Variants in PCDHGA3 observed in about 807,000 individuals in gnomAD.
PCDHGA3 encodes the protein protocadherin gamma-A3.
In PCDHGA3, 40 loss-of-function variants were observed where a neutral mutation model predicts 58.5. The ratio of observed to expected loss-of-function variants is 0.68; its 90% confidence interval spans 0.53 to 0.89. The LOEUF is 0.89. PCDHGA3 is among the 40% of genes least tolerant of loss of function. The pLI is 0.00. For synonymous variants in PCDHGA3, 530 were observed against 525.7 expected (o/e 1.01, Z -0.11); for missense variants, 1,223 against 1,195.9 (o/e 1.02, Z -0.33).
intron 1 of PCDHGA3, chr5:141,395,094 G>A (rs192995605): frequency 6.2e-7 from 1 of 1,614,160 alleles, no homozygotes; most frequent in African/African-American, 1.3e-5. Flanking sequence ...CTCCCTCACC[G>A]CCGACTCGCG....
At chr5:141,404,107 T>C in intron 1 of PCDHGA3, 1 of 1,613,552 alleles carries the variant, frequency 6.2e-7, no homozygotes, top group Non-Finnish European at 8.5e-7. Flanking sequence ...TTGTCTGTTC[T>C]ATCCAGGAGA....
chr5:141,351,476 C>T (rs189413445), intron 1 of PCDHGA3: 164 of 1,613,814 alleles, frequency 1.0e-4, no homozygotes, highest in Middle Eastern at 9.9e-4. Flanking sequence ...TGCTGGAGCC[C>T]TAAACCGGGA....
At position 141,393,088 on chromosome 5, in the gene PCDHGA3, G is replaced by T. The variant is rs760420305; in HGVS notation, c.2424+46631G>T. ...TTGATCACCGCGGGCAGGATAGATCGGGAGGAGCTCTGCGCTCAGAGCCCG... is the reference window on the plus strand; with the variant it reads ...TTGATCACCGCGGGCAGGATAGATCTGGAGGAGCTCTGCGCTCAGAGCCCG... On this transcript the variant is annotated intron_variant, in intron 1 of 3. Transcript: ENST00000253812. 3.7e-6 allele frequency: 6 copies of T among 1,613,530 alleles called. No homozygotes were observed. In the East Asian group the frequency reaches 1.3e-4, roughly 36 times the overall value.
At position 141,486,002 on chromosome 5, in the gene PCDHGA3, G is replaced by A. The variant is rs372373315; in HGVS notation, c.2425-8805G>A. ...CCCGGACCTGGGTCCCAGTGGTAAC[G>A]TCACCTTTTATTTCAGTGGTCATAC... On this transcript the variant is annotated intron_variant, in intron 1 of 3. Coordinates refer to ENST00000253812, the MANE Select transcript of PCDHGA3 (RefSeq NM_018916.4). The surrounding 1 kb of genome is among the most constrained non-coding windows in gnomAD (Gnocchi z 5.0). 2.0e-5 allele frequency: 33 copies of A among 1,614,030 alleles called. No homozygotes were observed. The highest frequency in any genetic ancestry group is 2.8e-5 in the Non-Finnish European group (33 of 1,180,014).
At chr5:141,362,372 G>T (rs1762464111) in intron 1 of PCDHGA3, 1 of 1,614,054 alleles carries the variant, frequency 6.2e-7, no homozygotes, top group Non-Finnish European at 8.5e-7. Flanking sequence ...TACAGTGAGG[G>T]TACATTGCCC....
intron 1 of PCDHGA3, among the ~76,000 whole-genome samples, chr5:141,463,911 T>C (rs749224024): frequency 6.6e-6 from 1 of 152,156 alleles, no homozygotes; most frequent in African/African-American, 2.4e-5. Context: ...TAATAATATA[T>C]CCTGGAAATC....
intron 1 of PCDHGA3, among the ~76,000 whole-genome samples, chr5:141,451,108 G>A (rs1484218835): frequency 3.3e-5 from 5 of 151,860 alleles, no homozygotes; most frequent in South Asian, 2.1e-4. Flanking sequence ...GATTACAGGC[G>A]TGAGCCACCA....
intron 1 of PCDHGA3, chr5:141,408,915 A>T (rs2095192273): frequency 1.2e-6 from 2 of 1,613,004 alleles, no homozygotes; most frequent in South Asian, 2.2e-5. Context: ...ACCAATGATA[A>T]CCCCCCGGTT....
intron 1 of PCDHGA3, chr5:141,405,107 T>A: frequency 6.2e-7 from 1 of 1,613,998 alleles, no homozygotes; most frequent in African/African-American, 1.3e-5. Flanking sequence ...GCTGAGGCAC[T>A]GGCACTCCTC....
chr5:141,475,862 T>G, intron 1 of PCDHGA3: 1 of 492,756 alleles, frequency 2.0e-6, no homozygotes, highest in Non-Finnish European at 3.6e-6. Context: ...GCTAGCTCAT[T>G]CTTCGTGCAG....
At chr5:141,458,921 C>T (rs1471065767) in intron 1 of PCDHGA3, among the ~76,000 whole-genome samples, 1 of 151,960 alleles carries the variant, frequency 6.6e-6, no homozygotes, top group East Asian at 1.9e-4. Flanking sequence ...TTTGTGGAGA[C>T]GGGGTCTCAC....
chr5:141,495,939 G>A (rs1408330065), intron 2 of PCDHGA3, among the ~76,000 whole-genome samples: 1 of 151,994 alleles, frequency 6.6e-6, no homozygotes, highest in Non-Finnish European at 1.5e-5. Context: ...TCTGGTCTCT[G>A]TGCCTGTTGT....
rs36031641 is a variant in PCDHGA3 at position 141,434,771 on chromosome 5, T to TA, written c.2425-60023dup. ...CCCCTGATTCCCCACTTCACACTTCTAAAAAAAAAAAAATTTTTTTTTCTG... is the reference window on the plus strand; with the variant it reads ...CCCCTGATTCCCCACTTCACACTTCTAAAAAAAAAAAAAATTTTTTTTTCTG... On this transcript the variant is annotated intron_variant, in intron 1 of 3. Coordinates refer to ENST00000253812, the MANE Select transcript of PCDHGA3 (RefSeq NM_018916.4). Among the ~76,000 whole-genome samples, 71 of 145,288 alleles carry TA rather than the reference T, an allele frequency of 4.9e-4. 1 individual carries two copies. The highest frequency in any genetic ancestry group is 3.6e-3 in the Middle Eastern group (1 of 278).
intron 1 of PCDHGA3, chr5:141,350,628 T>C (rs974919144): frequency 1.3e-5 from 21 of 1,613,936 alleles, no homozygotes; most frequent in Non-Finnish European, 1.6e-5. Flanking sequence ...ATCCAAGATA[T>C]TAATGACAAT....
At chr5:141,421,469 G>A in intron 1 of PCDHGA3, 1 of 1,614,122 alleles carries the variant, frequency 6.2e-7, no homozygotes, top group Non-Finnish European at 8.5e-7. Flanking sequence ...GTGAATCCGC[G>A]AAGCGGCAGC....
intron 1 of PCDHGA3, chr5:141,408,068 C>G: frequency 7.3e-7 from 1 of 1,367,282 alleles, no homozygotes; most frequent in Non-Finnish European, 9.7e-7. Flanking sequence ...GCTGCGCAGA[C>G]CTTTCCCAGC....
chr5:141,372,601 T>C, intron 1 of PCDHGA3: 1 of 1,614,028 alleles, frequency 6.2e-7, no homozygotes, highest in Non-Finnish European at 8.5e-7. Context: ...TTCAAGACTG[T>C]ACCTGGAGTT....
At chr5:141,406,702 A>G (rs1430662433) in intron 1 of PCDHGA3, among the ~76,000 whole-genome samples, 1 of 152,242 alleles carries the variant, frequency 6.6e-6, no homozygotes. Context: ...TCTATAGTAT[A>G]TGCTTGCTCA....
At chr5:141,500,615 A>G (rs1341597957) in intron 2 of PCDHGA3, among the ~76,000 whole-genome samples, 1 of 152,232 alleles carries the variant, frequency 6.6e-6, no homozygotes, top group East Asian at 1.9e-4. Flanking sequence ...ATTCCCAGTC[A>G]TACGGTACAT....
Sources: gnomAD v4.1 joint callset for allele counts (sites outside exome capture counted in the v4.1 genomes callset) on GRCh38, gnomAD v4.1.1 for gene constraint, Gnocchi (gnomAD v3.1) non-coding constraint, MANE v1.5 for transcripts, NCBI Gene and HGNC (gene_info 2026-07-23, HGNC 2026-07-21) for gene names.